The following SLC5A11 variants were observed in gnomAD, a reference collection of about 807,000 sequenced individuals.
SLC5A11 encodes sodium/myo-inositol cotransporter 2.
Under a neutral mutation model 69.8 loss-of-function variants are expected in SLC5A11, and 48 were observed. The observed-to-expected ratio is 0.69, with a 90% CI of 0.55 to 0.87. SLC5A11 has a LOEUF of 0.87. Ranked by LOEUF, SLC5A11 falls within the 40% of genes least tolerant of loss-of-function variation. The pLI, the probability that SLC5A11 is intolerant of heterozygous loss-of-function variation, is 0.00. For synonymous variants in SLC5A11, 319 were observed against 342.4 expected (o/e 0.93, Z 0.75); for missense variants, 784 against 866.1 (o/e 0.91, Z 1.19).
chr16:24,878,455 G>A (rs765432762), intron 7 of SLC5A11, among the ~76,000 whole-genome samples: 49 of 151,964 alleles, frequency 3.2e-4, no homozygotes, highest in Non-Finnish European at 6.0e-4. Flanking sequence ...ACCCTTTTCC[G>A]CCTCCTCTTG....
chr16:24,876,940 G>A (rs1041734179), intron 6 of SLC5A11: 1 of 323,644 alleles, frequency 3.1e-6, no homozygotes, highest in African/African-American at 2.2e-5. Context: ...TCACTTAAGA[G>A]TTTGAGTGGG....
chr16:24,890,935 G>A (rs772580414), exon 9 of SLC5A11: 52 of 1,614,048 alleles, frequency 3.2e-5, no homozygotes, highest in Admixed American at 6.7e-5. Context: ...GCTAGCAACC[G>A]GAGTGAGAAC....
chr16:24,910,380 G>C, exon 15 of SLC5A11: 3 of 1,614,124 alleles, frequency 1.9e-6, no homozygotes, highest in Non-Finnish European at 2.5e-6. Context: ...CAGCTCCCTT[G>C]TCTCTTACCC....
chr16:24,870,444 C>T (rs1244242093), intron 4 of SLC5A11, among the ~76,000 whole-genome samples: 3 of 147,500 alleles, frequency 2.0e-5, no homozygotes, highest in South Asian at 2.1e-4. Flanking sequence ...CAAAAAAAAA[C>T]ACACACACAC....
At chr16:24,892,044 A>G (rs995630679) in intron 9 of SLC5A11, among the ~76,000 whole-genome samples, 3 of 131,854 alleles carry the variant, frequency 2.3e-5, no homozygotes, top group African/African-American at 8.6e-5. Flanking sequence ...TAGTGAGACC[A>G]TCTCTAAAAA....
chr16:24,899,514 A>C (rs1248464794), intron 10 of SLC5A11, among the ~76,000 whole-genome samples: 4 of 147,918 alleles, frequency 2.7e-5, no homozygotes, highest in African/African-American at 1.0e-4. Context: ...AGTGATTCTC[A>C]TGCCTCAGCC....
chr16:24,894,455 C>CATTTTCAT (rs2049013023), intron 9 of SLC5A11, among the ~76,000 whole-genome samples: 1 of 152,168 alleles, frequency 6.6e-6, no homozygotes, highest in South Asian at 2.1e-4. Context: ...ATTCAGGTTG[C>CATTTTCAT]ATTTTCATTC....
At chr16:24,901,895 G>A (rs888790776) in intron 10 of SLC5A11, among the ~76,000 whole-genome samples, 1 of 150,606 alleles carries the variant, frequency 6.6e-6, no homozygotes. Flanking sequence ...GACCAGCCTG[G>A]GCAACATGGC....
At chr16:24,870,419 AC>A (rs2047205453) in intron 4 of SLC5A11, among the ~76,000 whole-genome samples, 2 of 147,866 alleles carry the variant, frequency 1.4e-5, no homozygotes, top group African/African-American at 2.5e-5. Flanking sequence ...ACAAAACAAA[AC>A]AAAACAAAAA....
intron 8 of SLC5A11, among the ~76,000 whole-genome samples, chr16:24,890,557 A>G (rs76794906): frequency 0.038 from 5,741 of 151,026 alleles, 173 homozygotes; most frequent in Middle Eastern, 0.086. Flanking sequence ...AGAAAGAAAG[A>G]AAAAAGAAAC....
chr16:24,907,174 A>G (rs1235223593), exon 12 of SLC5A11: 1 of 1,614,010 alleles, frequency 6.2e-7, no homozygotes, highest in South Asian at 1.1e-5. Flanking sequence ...GATTGTGGGC[A>G]GGTAAGTCCC....
At position 24,870,023 on chromosome 16, in the gene SLC5A11, G is replaced by C. The variant is rs2047172841; in HGVS notation, c.312+18G>C. Reference sequence around the variant, plus strand: ...AACTTAATGTAAGTATTTTACCTAGGGCATAGATGACATCTTACCTCTACC... The same window carrying C: ...AACTTAATGTAAGTATTTTACCTAGCGCATAGATGACATCTTACCTCTACC... On this transcript the variant is annotated intron_variant, in intron 4 of 15. Transcript: ENST00000347898. 1 of 1,546,914 alleles carries C rather than the reference G, an allele frequency of 6.5e-7. No homozygotes were observed. Among genetic ancestry groups the C allele is most frequent in the East Asian group, 2.2e-5 (1 of 44,576 alleles).
At chr16:24,883,871 A>G (rs1430067050) in intron 7 of SLC5A11, among the ~76,000 whole-genome samples, 180 bp from the exon 9 acceptor site, 1 of 152,254 alleles carries the variant, frequency 6.6e-6, no homozygotes, top group Admixed American at 6.5e-5. Context: ...TGAAAGGAGC[A>G]GCAAAGTCAC....
chr16:24,871,042 A>G (rs910394683), intron 4 of SLC5A11, among the ~76,000 whole-genome samples: 1 of 151,932 alleles, frequency 6.6e-6, no homozygotes, highest in African/African-American at 2.4e-5. Flanking sequence ...CAGGGAGGGG[A>G]TTATTAATAA....
At chr16:24,892,306 G>A (rs924923870) in intron 9 of SLC5A11, among the ~76,000 whole-genome samples, 26 of 152,012 alleles carry the variant, frequency 1.7e-4, no homozygotes, top group African/African-American at 6.0e-4. Flanking sequence ...GTAGAAGAGC[G>A]AGAGCTTCCT....
chr16:24,856,252 T>A (rs1235942376), intron 1 of SLC5A11, among the ~76,000 whole-genome samples: 1 of 151,710 alleles, frequency 6.6e-6, no homozygotes, highest in African/African-American at 2.4e-5. Context: ...CAGACATTCA[T>A]GTGGGCGAAA....
At chr16:24,890,509 AAAAAAAG>A (rs2048712806) in intron 8 of SLC5A11, among the ~76,000 whole-genome samples, 1 of 17,926 alleles carries the variant, frequency 5.6e-5, no homozygotes, top group Admixed American at 7.6e-4. Flanking sequence ...AAAAAAAAAA[AAAAAAAG>A]AAGGAAGGAA....
chr16:24,900,960 C>T (rs1163074600), intron 10 of SLC5A11, among the ~76,000 whole-genome samples: 1 of 146,094 alleles, frequency 6.8e-6, no homozygotes, highest in Non-Finnish European at 1.5e-5. Context: ...TGGCTTCAAA[C>T]AACCACATTC....
intron 3 of SLC5A11, among the ~76,000 whole-genome samples, chr16:24,867,353 T>C (rs1396980766): frequency 6.6e-6 from 1 of 152,236 alleles, no homozygotes; most frequent in Admixed American, 6.5e-5. Context: ...CTAAAACTTA[T>C]GGGATCCAGC....
Sources: gnomAD v4.1 joint callset for allele counts (sites outside exome capture counted in the v4.1 genomes callset) on GRCh38, gnomAD v4.1.1 for gene constraint, MANE v1.5 for transcripts, NCBI Gene and HGNC (gene_info 2026-07-23, HGNC 2026-07-21) for gene names.